Variants in USP19 observed in about 807,000 individuals in gnomAD.
The protein encoded by USP19 is ubiquitin carboxyl-terminal hydrolase 19.
In USP19, 40 loss-of-function variants were observed where a neutral mutation model predicts 144.8. That is an observed-to-expected ratio of 0.28 (90% CI 0.21 to 0.36). The LOEUF (loss-of-function observed/expected upper bound fraction) is 0.36, where lower values mean the gene tolerates loss of function less well. Ranked by LOEUF, USP19 falls within the 10% of genes least tolerant of loss-of-function variation. The probability of loss-of-function intolerance (pLI) is 1.00; values close to 1 mark genes in which losing one functional copy is unlikely to be tolerated. For missense variants in USP19, 1,518 were observed against 1,822.5 expected (o/e 0.83, Z 3.04); for synonymous variants, 701 against 709.3 (o/e 0.99, Z 0.19).
In USP19 at chr3:49,116,441, AC is replaced by A. The variant is rs2044147810; in HGVS notation, c.1283+9del. The A allele has an allele frequency of 6.2e-7, 1 of 1,614,108 alleles. No individual in the cohort carries two copies. The stretch of plus-strand genomic sequence containing the variant: ...TGAGGCATTGTTTGCCCCATCATCT[AC>A]CCACCCACCTGGTCTGGAAGATGAG... On this transcript the variant is annotated intron_variant, in intron 8 of 26. Coordinates refer to ENST00000417901, the MANE Select transcript of USP19 (RefSeq NM_001199161.2). This position sits in a 1 kb window ranked among gnomAD's most constrained non-coding sequence, Gnocchi z 5.0.
chr3:49,114,368 T>G lies in USP19; in HGVS notation c.2293-84A>C. The G allele has an allele frequency of 7.4e-7, 1 of 1,357,970 alleles. No individual in the cohort carries two copies. The allele number at this position is 1,357,970 out of a possible 1,614,324, so 84.1% of individuals were successfully genotyped here. A position where few individuals can be genotyped will look rare whatever the true frequency, so the allele number is the denominator to read the frequency against. On this transcript the variant is annotated intron_variant, in intron 15 of 26. Transcript: ENST00000417901. The surrounding 1 kb of genome is among the most constrained non-coding windows in gnomAD (Gnocchi z 4.5). ...TGCTCAGAGAGCCCATTCCGGGGCT[T>G]CTGATGGCTCTCAGGGCCCCCACAG...
In USP19 at chr3:49,116,050, G is replaced by A. The variant is rs2044056673; in HGVS notation, c.1468C>T (p.Arg490Ter). Residue 490 changes from arginine (R) to a stop codon, truncating the protein, a stop_gained, in exon 10 of 27, where the codon CGA becomes TGA. Transcript: ENST00000417901. LOFTEE classifies it high-confidence loss of function. The surrounding 1 kb of genome is among the most constrained non-coding windows in gnomAD (Gnocchi z 5.0). ...TGAAGGGAGCTCGTGTGCAGACCTC[G>A]TGCAGCCGGGGCCTCCAGGCCCCCC... Reference protein sequence around the residue: ...RWGGLEAPAARGAVGGAKVAV... With the variant: ...RWGGLEAPAA 1 of 1,595,446 alleles carries A rather than the reference G, an allele frequency of 6.3e-7. No individual in the cohort carries two copies. The highest frequency in any genetic ancestry group is 1.7e-4 in the Middle Eastern group (1 of 5,968).
Position 49,111,996 on chromosome 3 carries a change from T to C in USP19, c.2818A>G (p.Asn940Asp). The C allele has an allele frequency of 6.2e-7, 1 of 1,614,094 alleles. No individual in the cohort carries two copies. Among genetic ancestry groups the C allele is most frequent in the South Asian group, 1.1e-5 (1 of 91,086 alleles). ...PDHKGLCRPENIGYPFLVSVP... is the reference protein window; with the variant it reads ...PDHKGLCRPEDIGYPFLVSVP... ...CTGACCAGGAAGGGGTAGCCAATGT[T>C]CTCAGGTCGGCAGAGGCCCTTGTGG... The change falls in exon 20 of 27, where the codon AAC becomes GAC. Residue 940 changes from asparagine (N) to aspartate (D), a missense_variant. Coordinates refer to ENST00000417901, the MANE Select transcript of USP19 (RefSeq NM_001199161.2). The surrounding 1 kb of genome is among the most constrained non-coding windows in gnomAD (Gnocchi z 5.9).
In USP19 at chr3:49,110,152, C is replaced by A. The variant is rs746203100; in HGVS notation, c.4038+32G>T. The A allele has an allele frequency of 6.7e-7, 1 of 1,499,274 alleles. No individual in the cohort carries two copies. The highest frequency in any genetic ancestry group is 2.4e-5 in the Admixed American group (1 of 42,048). The allele number at this position is 1,499,274 out of a possible 1,614,324, so 92.9% of individuals were successfully genotyped here. ...CGGCCCCAGTCTGTGAACTGTCCCC[C>A]AGTATTCTGTAAAGCCTCCCACATG... On this transcript the variant is annotated intron_variant, in intron 26 of 26. Coordinates refer to ENST00000417901, the MANE Select transcript of USP19 (RefSeq NM_001199161.2). The surrounding 1 kb of genome is among the most constrained non-coding windows in gnomAD (Gnocchi z 6.1).
chr3:49,108,572 G>A lies in USP19; in HGVS notation c.4039-44C>T. ...ACAGGGGTTGGGGGCTGCCCAGCAT[G>A]CCGCCTGGCATCCCGGGGGTGCTGG... is the stretch of plus-strand genomic sequence containing the variant. On this transcript the variant is annotated intron_variant, in intron 26 of 26. Coordinates refer to ENST00000417901, the MANE Select transcript of USP19 (RefSeq NM_001199161.2). The surrounding 1 kb of genome is among the most constrained non-coding windows in gnomAD (Gnocchi z 4.8). 8.0e-7 allele frequency: 1 copy of A among 1,249,862 alleles called. No individual in the cohort carries two copies. Among genetic ancestry groups the A allele is most frequent in the Non-Finnish European group, 1.0e-6 (1 of 980,454 alleles). The allele number at this position is 1,249,862 out of a possible 1,614,324, so 77.4% of individuals were successfully genotyped here.
intron 2 of USP19, among the ~76,000 whole-genome samples, chr3:49,118,483 G>T (rs1313708844): frequency 6.6e-6 from 1 of 151,396 alleles, no homozygotes; most frequent in Non-Finnish European, 1.5e-5. Flanking sequence ...CTACTTGGGA[G>T]GCTGAGGCAG....
chr3:49,110,121 C>T lies in USP19; in HGVS notation c.4038+63G>A, dbSNP rs377684330. 78 of 1,446,472 alleles carry T rather than the reference C, an allele frequency of 5.4e-5. 1 individual carries two copies. In the East Asian group the frequency reaches 1.2e-3, roughly 22 times the overall value. The allele number at this position is 1,446,472 out of a possible 1,614,324, so 89.6% of individuals were successfully genotyped here. On this transcript the variant is annotated intron_variant, in intron 26 of 26. Transcript: ENST00000417901. The surrounding 1 kb of genome is among the most constrained non-coding windows in gnomAD (Gnocchi z 6.1). ...GCTGGAGGAGAGGAAGCTATATCCC[C>T]CAACCCGGCCCCAGTCTGTGAACTG...
chr3:49,113,181 G>A (rs1346117691), intron 17 of USP19, among the ~76,000 whole-genome samples: 3 of 152,250 alleles, frequency 2.0e-5, no homozygotes, highest in Admixed American at 6.5e-5. Flanking sequence ...ATAATGGCTA[G>A]GAACTGAGGG....
At chr3:49,120,252 A>T (rs2044979261) in intron 1 of USP19, among the ~76,000 whole-genome samples, 1 of 152,172 alleles carries the variant, frequency 6.6e-6, no homozygotes. Context: ...CTAAGTGTGT[A>T]AAGGAGGAAG....
At position 49,114,090 on chromosome 3, in the gene USP19, G is replaced by T; in HGVS notation, c.2407C>A (p.Leu803Met). Reference protein sequence around the residue: ...REPHSKPIKFLVSVSKENSTA... With the variant: ...REPHSKPIKFMVSVSKENSTA... ...GAGTTCTCCTTGCTGACGCTCACCA[G>T]GAACTGTGGCAAAAAGGGCAGTCAG... Residue 803 changes from leucine (L) to methionine (M), a missense_variant, in exon 17 of 27, where the codon CTG becomes ATG. By Grantham distance (15) the Leu-to-Met change is conservative. Around this residue, in one of 5 missense-constraint regions of USP19, gnomAD observed 413 missense variants for 515.8 expected, o/e 0.80. Coordinates refer to ENST00000417901, the MANE Select transcript of USP19 (RefSeq NM_001199161.2). The surrounding 1 kb of genome is among the most constrained non-coding windows in gnomAD (Gnocchi z 4.5). 6.2e-7 allele frequency: 1 copy of T among 1,614,206 alleles called. No homozygotes were observed. Among genetic ancestry groups the T allele is most frequent in the Non-Finnish European group, 8.5e-7 (1 of 1,180,038 alleles).
chr3:49,118,188 C>T, intron 2 of USP19, 68 bp from the exon 3 acceptor site: 1 of 653,300 alleles, frequency 1.5e-6, no homozygotes, highest in Non-Finnish European at 2.6e-6. Flanking sequence ...CTGCTTGAGC[C>T]CAGGACTTTG....
Position 49,114,318 on chromosome 3 carries a change from C to A in USP19, c.2293-34G>T, listed in dbSNP as rs968870307. 3 of 1,596,614 alleles carry A rather than the reference C, an allele frequency of 1.9e-6. No individual in the cohort carries two copies. The highest frequency in any genetic ancestry group is 2.2e-5 in the South Asian group (2 of 90,492). On this transcript the variant is annotated intron_variant, in intron 15 of 26. Coordinates refer to ENST00000417901, the MANE Select transcript of USP19 (RefSeq NM_001199161.2). The surrounding 1 kb of genome is among the most constrained non-coding windows in gnomAD (Gnocchi z 4.5). The stretch of plus-strand genomic sequence containing the variant: ...GTAGAGGTGGCACTGGGTAGCTGCA[C>A]ACAGAGTGGGAGATAAGATGCTCAT...
Position 49,117,890 on chromosome 3 carries a change from C to T in USP19, c.298+57G>A. On this transcript the variant is annotated intron_variant, in intron 3 of 26. Coordinates refer to ENST00000417901, the MANE Select transcript of USP19 (RefSeq NM_001199161.2). The surrounding 1 kb of genome is among the most constrained non-coding windows in gnomAD (Gnocchi z 4.4). ...TAATGAAACTGCTTCAGATGGGAGC[C>T]AAATTGCAAGTGCCCCCTCCCCTTC... 2 of 1,613,108 alleles carry T rather than the reference C, an allele frequency of 1.2e-6. No homozygotes were observed. The highest frequency in any genetic ancestry group is 2.2e-5 in the South Asian group (2 of 91,010).
Position 49,116,360 on chromosome 3 carries a change from G to A in USP19, c.1284-9C>T. On this transcript the variant is annotated splice_polypyrimidine_tract_variant and intron_variant, in intron 8 of 26. Coordinates refer to ENST00000417901, the MANE Select transcript of USP19 (RefSeq NM_001199161.2). The surrounding 1 kb of genome is among the most constrained non-coding windows in gnomAD (Gnocchi z 5.0). Reference sequence around the variant, plus strand: ...TCAGGAAGTTTCCATCCCTGCAGAGGCACAGCAGGATAGGAGGAAGGACAA... The same window carrying A: ...TCAGGAAGTTTCCATCCCTGCAGAGACACAGCAGGATAGGAGGAAGGACAA... 1.2e-6 allele frequency: 2 copies of A among 1,614,106 alleles called. No individual in the cohort carries two copies. Among genetic ancestry groups the A allele is most frequent in the Admixed American group, 1.7e-5 (1 of 60,024 alleles).
chr3:49,108,730 A>G lies in USP19; in HGVS notation c.4039-202T>C. 1 of 1,360,990 alleles carries G rather than the reference A, an allele frequency of 7.3e-7. No homozygotes were observed. Among genetic ancestry groups the G allele is most frequent in the Non-Finnish European group, 9.4e-7 (1 of 1,061,314 alleles). 84.3% of individuals were successfully genotyped at this position (1,360,990 alleles called of 1,614,324 possible). On this transcript the variant is annotated intron_variant, in intron 26 of 26. Coordinates refer to ENST00000417901, the MANE Select transcript of USP19 (RefSeq NM_001199161.2). This position sits in a 1 kb window ranked among gnomAD's most constrained non-coding sequence, Gnocchi z 4.8. ...TTTAAGTACAGGAAGTAGCTTGGGCAGGGCCAAGCCTGAGGCCAAGGGTCA... is the reference window on the plus strand; with the variant it reads ...TTTAAGTACAGGAAGTAGCTTGGGCGGGGCCAAGCCTGAGGCCAAGGGTCA...
chr3:49,116,785 T>C lies in USP19; in HGVS notation c.1068A>G (p.Lys356=), dbSNP rs2044220132. The stretch of plus-strand genomic sequence containing the variant: ...CCATCTCCTCCTTGGCACAGTCATC[T>C]TTCCCAGGGTTTCTGCTCCGGACCA... The part of the protein sequence containing the change: ...PAMVRSRNPG[K]DDCAKEEMAV... The change falls in exon 7 of 27, where the codon AAA becomes AAG. Residue 356 remains lysine, a synonymous_variant. Coordinates refer to ENST00000417901, the MANE Select transcript of USP19 (RefSeq NM_001199161.2). The surrounding 1 kb of genome is among the most constrained non-coding windows in gnomAD (Gnocchi z 5.0). The C allele has an allele frequency of 1.9e-6, 3 of 1,614,004 alleles. No homozygotes were observed. The highest frequency in any genetic ancestry group is 1.3e-5 in the African/African-American group (1 of 75,006).
Position 49,112,668 on chromosome 3 carries a change from G to T in USP19, c.2506-39C>A, listed in dbSNP as rs1276190775. The T allele has an allele frequency of 2.5e-6, 4 of 1,590,878 alleles. No individual in the cohort carries two copies. In the South Asian group the frequency reaches 4.5e-5, roughly 18 times the overall value. Reference sequence around the variant, plus strand: ...ACACACAGATCCCACGTGAGGATAAGCCCTTTCCCTAGCCCTGCCCCAGAG... The same window carrying T: ...ACACACAGATCCCACGTGAGGATAATCCCTTTCCCTAGCCCTGCCCCAGAG... On this transcript the variant is annotated intron_variant, in intron 17 of 26. Coordinates refer to ENST00000417901, the MANE Select transcript of USP19 (RefSeq NM_001199161.2). The surrounding 1 kb of genome is among the most constrained non-coding windows in gnomAD (Gnocchi z 4.9).
chr3:49,120,810 T>C lies in USP19; in HGVS notation c.-191A>G, dbSNP rs1338116731. ...CGGGCCCTGGCAACCCGCTCTCCGT[T>C]CCGGTTCCGGCGCAGGTCGGTTCCG... On this transcript the variant is annotated 5_prime_UTR_variant, in exon 1 of 27. Transcript: ENST00000417901. 2 of 252,458 alleles carry C rather than the reference T, an allele frequency of 7.9e-6. No homozygotes were observed. Among genetic ancestry groups the C allele is most frequent in the Non-Finnish European group, 1.6e-5 (2 of 127,832 alleles). The allele number at this position is 252,458 out of a possible 1,614,324, so 15.6% of individuals were successfully genotyped here.
In USP19 at chr3:49,109,664, C is replaced by T. The variant is rs145420147; in HGVS notation, c.4038+520G>A. On this transcript the variant is annotated intron_variant, in intron 26 of 26. Transcript: ENST00000417901. Reference sequence around the variant, plus strand: ...AGTCCAGAAAAGAGATGTGCCTACGCCCACTAACTGGGCCTATGGCACACC... The same window carrying T: ...AGTCCAGAAAAGAGATGTGCCTACGTCCACTAACTGGGCCTATGGCACACC... Among the ~76,000 whole-genome samples, 9 of 152,332 alleles carry T rather than the reference C, an allele frequency of 5.9e-5. No individual in the cohort carries two copies. In the East Asian group the frequency reaches 1.4e-3, roughly 23 times the overall value.
Sources: gnomAD v4.1 joint callset for allele counts (sites outside exome capture counted in the v4.1 genomes callset) on GRCh38, gnomAD v4.1.1 for gene constraint, gnomAD v4.1.1 regional missense constraint, Gnocchi (gnomAD v3.1) non-coding constraint, MANE v1.5 for transcripts, NCBI Gene and HGNC (gene_info 2026-07-23, HGNC 2026-07-21) for gene names.